NEK11: variants seen among roughly 807,000 people sequenced by gnomAD.
NEK11 encodes the protein serine/threonine-protein kinase Nek11.
Under a neutral mutation model 80.7 loss-of-function variants are expected in NEK11, and 72 were observed. That is an observed-to-expected ratio of 0.89 (90% CI 0.74 to 1.08). The LOEUF (loss-of-function observed/expected upper bound fraction) is 1.08, where lower values mean the gene tolerates loss of function less well. NEK11 is among the 50% of genes least tolerant of loss of function. The probability of loss-of-function intolerance (pLI) is 0.00; values close to 1 mark genes in which losing one functional copy is unlikely to be tolerated. For missense variants in NEK11, 764 were observed against 763.6 expected, an observed-to-expected ratio of 1.00 and a Z score of -0.01; for synonymous variants, 251 against 260.7, an observed-to-expected ratio of 0.96 and a Z score of 0.36.
chr3:131,250,414 A>G (rs903760063), intron 16 of NEK11, among the ~76,000 whole-genome samples: 9 of 152,134 alleles, frequency 5.9e-5, no homozygotes, highest in Non-Finnish European at 1.3e-4. Flanking sequence ...ATATTTATCT[A>G]TCCAAACTAT....
intron 4 of NEK11, among the ~76,000 whole-genome samples, chr3:131,100,866 G>T (rs950516292): frequency 2.6e-5 from 4 of 152,062 alleles, no homozygotes; most frequent in Non-Finnish European, 5.9e-5. Context: ...AATCCATCTG[G>T]TGCAGGACTT....
chr3:131,160,815 CA>C (rs2091444727), intron 10 of NEK11, among the ~76,000 whole-genome samples: 1 of 152,080 alleles, frequency 6.6e-6, no homozygotes. Flanking sequence ...CAACAATAAT[CA>C]AAAACAAAGA....
chr3:131,333,726 T>C (rs1353994038), intron 17 of NEK11, among the ~76,000 whole-genome samples: 1 of 152,228 alleles, frequency 6.6e-6, no homozygotes, highest in African/African-American at 2.4e-5. Context: ...GAAACCCATC[T>C]CATGTGCTGA....
intron 17 of NEK11, among the ~76,000 whole-genome samples, chr3:131,346,065 T>C (rs1331136057): frequency 1.3e-5 from 2 of 151,790 alleles, no homozygotes; most frequent in Non-Finnish European, 2.9e-5. Context: ...GGAATGTAGG[T>C]CAAAGGATAC....
chr3:131,349,283 TA>T (rs749771993), intron 17 of NEK11, among the ~76,000 whole-genome samples: 1 of 152,072 alleles, frequency 6.6e-6, no homozygotes, highest in Non-Finnish European at 1.5e-5. Context: ...CTGTGTATTA[TA>T]TATATATACA....
chr3:131,349,989 A>C lies in NEK11; in HGVS notation c.*213A>C, dbSNP rs1455750543. On this transcript the variant is annotated 3_prime_UTR_variant, in exon 18 of 18. Transcript: ENST00000383366. ...TAAGTGTTATTTGGACTATACCCTG[A>C]GATAAGCTTATAGATCAAGTTTGGC... 1 of 543,800 alleles carries C rather than the reference A, an allele frequency of 1.8e-6. No individual in the cohort carries two copies. Among genetic ancestry groups the C allele is most frequent in the African/African-American group, 1.9e-5 (1 of 52,632 alleles). The allele number at this position is 543,800 out of a possible 1,614,324, so 33.7% of individuals were successfully genotyped here. A position where few individuals can be genotyped will look rare whatever the true frequency, so the allele number is the denominator to read the frequency against.
intron 11 of NEK11, among the ~76,000 whole-genome samples, 156 bp downstream of exon 11, chr3:131,162,683 TATTGAGCCATAGATTGA>T (rs1236911360): frequency 2.6e-5 from 4 of 152,220 alleles, no homozygotes; most frequent in Admixed American, 1.3e-4. Flanking sequence ...CCAAGATGAT[TATTGAGCCATAGATTGA>T]ATGTCAGGTG....
chr3:131,080,380 G>C, intron 3 of NEK11, 43 bp from the exon 4 acceptor site: 1 of 1,441,786 alleles, frequency 6.9e-7, no homozygotes, highest in Non-Finnish European at 9.5e-7. Context: ...TGTTAAATGT[G>C]TTTTTCAGCT....
intron 4 of NEK11, among the ~76,000 whole-genome samples, chr3:131,091,352 T>C (rs897984676): frequency 6.6e-6 from 1 of 152,222 alleles, no homozygotes; most frequent in African/African-American, 2.4e-5. Flanking sequence ...TTCTGGTTTT[T>C]CCTTCAATAG....
At chr3:131,289,329 C>G (rs1330289992) in intron 17 of NEK11, among the ~76,000 whole-genome samples, 1 of 152,234 alleles carries the variant, frequency 6.6e-6, no homozygotes, top group African/African-American at 2.4e-5. Flanking sequence ...CTTTCAAGCC[C>G]TGGTCTACAA....
chr3:131,245,301 TTGTGTGTG>T (rs4044352), intron 16 of NEK11, among the ~76,000 whole-genome samples: 1 of 140,736 alleles, frequency 7.1e-6, no homozygotes, highest in Non-Finnish European at 1.5e-5. Flanking sequence ...TAGTATTCCA[TTGTGTGTG>T]TGTGTGTGTG....
intron 17 of NEK11, among the ~76,000 whole-genome samples, chr3:131,276,829 T>C (rs1203188467): frequency 6.6e-6 from 1 of 152,184 alleles, no homozygotes; most frequent in Non-Finnish European, 1.5e-5. Context: ...TCAGATTTCA[T>C]TGATTATCCC....
chr3:131,280,035 T>C (rs989417034), intron 17 of NEK11, among the ~76,000 whole-genome samples: 6 of 152,202 alleles, frequency 3.9e-5, no homozygotes. Context: ...GTCTCCTTCA[T>C]CTTGCTCTAT....
At chr3:131,061,029 G>C (rs1005035820) in intron 3 of NEK11, among the ~76,000 whole-genome samples, 1 of 152,122 alleles carries the variant, frequency 6.6e-6, no homozygotes, top group Non-Finnish European at 1.5e-5. Context: ...ACTCAAAAAT[G>C]AAAGTCATAA....
At chr3:131,183,309 A>G (rs575376945) in intron 14 of NEK11, among the ~76,000 whole-genome samples, 12 of 152,314 alleles carry the variant, frequency 7.9e-5, no homozygotes, top group African/African-American at 2.9e-4. Context: ...GTTCTGGGAT[A>G]TGTGTGCAGG....
intron 14 of NEK11, among the ~76,000 whole-genome samples, chr3:131,225,458 G>T (rs969789168): frequency 3.9e-5 from 6 of 152,142 alleles, no homozygotes; most frequent in Admixed American, 3.9e-4. Context: ...TCCTGGTGTT[G>T]GGTATTACAG....
At chr3:131,339,195 A>G (rs973289781) in intron 17 of NEK11, among the ~76,000 whole-genome samples, 29 of 152,166 alleles carry the variant, frequency 1.9e-4, no homozygotes, top group Middle Eastern at 3.2e-3. Flanking sequence ...AAGGAGTGAA[A>G]TTCATGACTC....
intron 17 of NEK11, among the ~76,000 whole-genome samples, chr3:131,338,772 T>G (rs902924019): frequency 2.0e-5 from 3 of 152,200 alleles, no homozygotes; most frequent in Non-Finnish European, 4.4e-5. Context: ...ATTCCATTCA[T>G]ATGACATTCT....
At chr3:131,266,927 C>G (rs1359404510) in intron 16 of NEK11, among the ~76,000 whole-genome samples, 1 of 152,088 alleles carries the variant, frequency 6.6e-6, no homozygotes, top group Non-Finnish European at 1.5e-5. Context: ...TGCATTGATC[C>G]CTTTACCATT....
Sources: gnomAD v4.1 joint callset for allele counts (sites outside exome capture counted in the v4.1 genomes callset) on GRCh38, gnomAD v4.1.1 for gene constraint, MANE v1.5 for transcripts, NCBI Gene and HGNC (gene_info 2026-07-23, HGNC 2026-07-21) for gene names.